RBL1: variants seen among roughly 807,000 people sequenced by gnomAD.
RBL1 encodes RB transcriptional corepressor like 1.
A neutral mutation model predicts 123.0 loss-of-function variants in RBL1; 82 were observed. The observed-to-expected ratio is 0.67, with a 90% confidence interval of 0.56 to 0.80. The LOEUF is 0.80. RBL1 is among the 30% of genes least tolerant of loss of function. RBL1 has a pLI of 0.00. For missense variants in RBL1, 1,171 were observed against 1,299.6 expected (o/e 0.90, Z 1.52); for synonymous variants, 405 against 441.3 (o/e 0.92, Z 1.03).
intron 11 of RBL1, chr20:37,049,644 C>T: frequency 1.3e-6 from 1 of 755,020 alleles, no homozygotes; most frequent in Non-Finnish European, 2.4e-6. Context: ...TGGCAAGCCA[C>T]TTTGACAGAC....
chr20:37,017,484 C>T (rs533846154), intron 19 of RBL1, among the ~76,000 whole-genome samples: 1 of 151,854 alleles, frequency 6.6e-6, no homozygotes, highest in South Asian at 2.1e-4. Flanking sequence ...GAATACTAAC[C>T]ATTTGATTTT....
rs773601653 is a variant in RBL1 at position 37,067,227 on chromosome 20, T to C, written c.556+6A>G. The C allele has an allele frequency of 1.2e-6, 2 of 1,600,498 alleles. No individual in the cohort carries two copies. Among genetic ancestry groups the C allele is most frequent in the Non-Finnish European group, 1.7e-6 (2 of 1,175,252 alleles). Reference sequence around the variant, plus strand: ...AAATGTAAGACCACTGAAAGTGTCATCTTACCCTTAGTATAAACAAAAAGT... The same window carrying C: ...AAATGTAAGACCACTGAAAGTGTCACCTTACCCTTAGTATAAACAAAAAGT... On this transcript the variant is annotated splice_donor_region_variant and intron_variant, in intron 4 of 21. Transcript: ENST00000373664.
chr20:37,089,505 A>G (rs1343208239), intron 1 of RBL1, among the ~76,000 whole-genome samples: 1 of 151,958 alleles, frequency 6.6e-6, no homozygotes, highest in Non-Finnish European at 1.5e-5. Context: ...TTAGCCAGGC[A>G]TGGTGGTGCT....
intron 11 of RBL1, 87 bp downstream of exon 11, chr20:37,055,466 C>T: frequency 6.3e-7 from 1 of 1,591,714 alleles, no homozygotes. Flanking sequence ...TTGGTGACTC[C>T]CACAACGCCT....
intron 11 of RBL1, 80 bp downstream of exon 11, chr20:37,055,473 G>A (rs78231341): frequency 1.0e-5 from 16 of 1,599,608 alleles, no homozygotes; most frequent in South Asian, 6.7e-5. Flanking sequence ...CTCCCACAAC[G>A]CCTTACAGAG....
intron 16 of RBL1, among the ~76,000 whole-genome samples, chr20:37,028,580 T>C (rs1424240121): frequency 6.6e-6 from 1 of 152,102 alleles, no homozygotes; most frequent in Non-Finnish European, 1.5e-5. Flanking sequence ...ATCCCAGCAA[T>C]CTTTAGAATG....
rs569413993 is a variant in RBL1, at chr20:37,003,683, T to A, written c.3036+19A>T. ...CTGACTGTTAATCTGAAATCCAACT[T>A]TTAGCCTATTCACCTTACCTTAGAA... On this transcript the variant is annotated intron_variant, in intron 21 of 21. Coordinates refer to ENST00000373664, the MANE Select transcript of RBL1 (RefSeq NM_002895.5). The A allele has an allele frequency of 2.5e-6, 4 of 1,573,282 alleles. No individual in the cohort carries two copies. In the East Asian group the frequency reaches 6.8e-5, roughly 27 times the overall value.
intron 2 of RBL1, among the ~76,000 whole-genome samples, chr20:37,075,962 T>A (rs1236878911): frequency 6.6e-6 from 1 of 152,242 alleles, no homozygotes; most frequent in East Asian, 1.9e-4. Flanking sequence ...CACAAAATTC[T>A]AAAAGTTACT....
chr20:37,018,253 A>G (rs1248148288), intron 19 of RBL1, 26 bp downstream of exon 19: 1 of 1,588,696 alleles, frequency 6.3e-7, no homozygotes, highest in East Asian at 2.2e-5. Flanking sequence ...TGTTTTACAT[A>G]TAATATGTTA....
chr20:36,999,106 C>T (rs1446083904), intron 21 of RBL1, among the ~76,000 whole-genome samples, 177 bp from the exon 22 acceptor site: 1 of 152,116 alleles, frequency 6.6e-6, no homozygotes, highest in Non-Finnish European at 1.5e-5. Context: ...CTAATCTTTT[C>T]AGGTGGTTTA....
intron 1 of RBL1, 147 bp downstream of exon 1, chr20:37,095,626 C>G: frequency 1.6e-6 from 1 of 623,364 alleles, no homozygotes; most frequent in Non-Finnish European, 2.5e-6. Flanking sequence ...CTGAGCTACA[C>G]CCACCTTTCC....
chr20:37,018,437 A>C (rs2064290552), intron 18 of RBL1, 68 bp from the exon 19 acceptor site: 1 of 1,517,398 alleles, frequency 6.6e-7, no homozygotes. Context: ...AATCAAAGTG[A>C]GAAGAGCAAA....
chr20:37,074,793 C>G (rs2146316058), intron 2 of RBL1, among the ~76,000 whole-genome samples: 1 of 152,220 alleles, frequency 6.6e-6, no homozygotes, highest in South Asian at 2.1e-4. Flanking sequence ...CCACTGCACT[C>G]CAGCCTGGGT....
chr20:37,025,706 T>C (rs774934521), intron 16 of RBL1, among the ~76,000 whole-genome samples: 5 of 151,766 alleles, frequency 3.3e-5, no homozygotes, highest in Non-Finnish European at 7.4e-5. Context: ...GTTAGAAACC[T>C]TGTGTTGAAA....
intron 11 of RBL1, among the ~76,000 whole-genome samples, chr20:37,050,117 CAG>C (rs1334253634): frequency 2.0e-5 from 3 of 148,680 alleles, no homozygotes; most frequent in South Asian, 2.1e-4. Context: ...TCAGGAGAAA[CAG>C]AGACGAAGCA....
At chr20:37,067,448 G>A in intron 3 of RBL1, 151 bp from the exon 4 acceptor site, 1 of 709,048 alleles carries the variant, frequency 1.4e-6, no homozygotes, top group East Asian at 2.9e-5. Context: ...ATGGACTTAA[G>A]TAAGCCTTTC....
chr20:36,999,255 A>C (rs1403610821), intron 21 of RBL1, among the ~76,000 whole-genome samples: 1 of 151,758 alleles, frequency 6.6e-6, no homozygotes, highest in East Asian at 1.9e-4. Flanking sequence ...AAAATACAAA[A>C]ATTAGCCAGG....
Position 37,095,983 on chromosome 20 carries a change from A to G in RBL1, c.-55T>C, listed in dbSNP as rs769040380. On this transcript the variant is annotated 5_prime_UTR_variant, in exon 1 of 22. Coordinates refer to ENST00000373664, the MANE Select transcript of RBL1 (RefSeq NM_002895.5). Reference sequence around the variant, plus strand: ...GGCCCCCGACTTCTTTCTCCCTCCCAGGCGCGCTACCCACAACCACCTGCG... The same window carrying G: ...GGCCCCCGACTTCTTTCTCCCTCCCGGGCGCGCTACCCACAACCACCTGCG... 195 of 1,385,448 alleles carry G rather than the reference A, an allele frequency of 1.4e-4. No homozygotes were observed. Among genetic ancestry groups the G allele is most frequent in the Middle Eastern group, 2.7e-4 (1 of 3,654 alleles). The allele number at this position is 1,385,448 out of a possible 1,614,324, so 85.8% of individuals were successfully genotyped here. A position where few individuals can be genotyped will look rare whatever the true frequency, so the allele number is the denominator to read the frequency against.
intron 17 of RBL1, chr20:37,022,078 A>G (rs1345291578): frequency 6.6e-6 from 1 of 152,210 alleles, no homozygotes; most frequent in Non-Finnish European, 1.5e-5. Context: ...AGGGGTCACA[A>G]AGGAGTTTAA....
Sources: allele counts gnomAD v4.1 joint callset (sites outside exome capture counted in the v4.1 genomes callset), GRCh38; gene constraint gnomAD v4.1.1; transcripts MANE v1.5; gene names NCBI Gene and HGNC (gene_info 2026-07-23, HGNC 2026-07-21).